The following THSD7B variants were observed in gnomAD, a reference collection of about 807,000 sequenced individuals.
The protein encoded by THSD7B is thrombospondin type-1 domain-containing protein 7B.
In THSD7B, 138 loss-of-function variants were observed where a neutral mutation model predicts 213.6. The observed-to-expected ratio is 0.65, with a 90% CI of 0.56 to 0.74. THSD7B has a LOEUF of 0.74. THSD7B is among the 30% of genes least tolerant of loss of function. The pLI is 0.00. For missense variants in THSD7B, 1,931 were observed against 1,991.5 expected (o/e 0.97, Z 0.58); for synonymous variants, 742 against 687.0 (o/e 1.08, Z -1.25).
chr2:136,945,661 G>A (rs1415767771), intron 2 of THSD7B, among the ~76,000 whole-genome samples: 1 of 152,088 alleles, frequency 6.6e-6, no homozygotes, highest in Non-Finnish European at 1.5e-5. Context: ...TGGAGGCTTT[G>A]TTCATTTCTT....
chr2:137,149,045 G>A (rs963470728), intron 5 of THSD7B, among the ~76,000 whole-genome samples: 2 of 152,116 alleles, frequency 1.3e-5, no homozygotes, highest in African/African-American at 4.8e-5. Flanking sequence ...CTGGATCCAG[G>A]GCACTCCTGC....
At chr2:137,142,934 C>A (rs1487064266) in intron 5 of THSD7B, among the ~76,000 whole-genome samples, 1 of 152,142 alleles carries the variant, frequency 6.6e-6, no homozygotes, top group East Asian at 1.9e-4. Flanking sequence ...TTTCCTCCCT[C>A]AATCTATTCA....
intron 7 of THSD7B, 23 bp downstream of exon 7, chr2:137,170,961 AGGT>A (rs1253146654): frequency 6.2e-7 from 1 of 1,610,068 alleles, no homozygotes; most frequent in Non-Finnish European, 8.5e-7. Flanking sequence ...GACCCACTAG[AGGT>A]GTTAGGATGT....
At position 136,783,492 on chromosome 2, in the gene THSD7B, C is replaced by T. The variant is rs140015473; in HGVS notation, c.-36+17805C>T. On this transcript the variant is annotated intron_variant, in intron 1 of 27. Transcript: ENST00000409968. ...GAAACAATTCAGAGCTTAGCTACAG[C>T]AGAAAGGAGAGACCAATGAAGGAGG... is the stretch of plus-strand genomic sequence containing the variant. Among the ~76,000 whole-genome samples, 899 of 152,124 alleles carry T rather than the reference C, an allele frequency of 5.9e-3. 15 individuals are homozygous for T. Among genetic ancestry groups the T allele is most frequent in the African/African-American group, 0.02 (841 of 41,486 alleles).
intron 12 of THSD7B, among the ~76,000 whole-genome samples, chr2:137,365,389 A>G (rs996854504): frequency 2.0e-5 from 3 of 152,210 alleles, no homozygotes; most frequent in African/African-American, 7.2e-5. Flanking sequence ...AAATTGACAA[A>G]TGGGATCTAA....
rs1052837451 is a variant in THSD7B, at chr2:137,609,324, A to T, written c.3424-6851A>T. ...TGGAGAAGAAAAAATATGTAGGAAG[A>T]CAAGGAGTAACATGGAAGAGTTGCT... On this transcript the variant is annotated intron_variant, in intron 17 of 27. Coordinates refer to ENST00000409968, the MANE Select transcript of THSD7B (RefSeq NM_001316349.2). Among the ~76,000 whole-genome samples, 8 of 152,242 alleles carry T rather than the reference A, an allele frequency of 5.3e-5. No individual in the cohort carries two copies. The East Asian group carries it at 1.5e-3, about 29-fold the overall frequency.
chr2:136,833,742 G>A (rs529725535), intron 1 of THSD7B, among the ~76,000 whole-genome samples: 3 of 152,096 alleles, frequency 2.0e-5, no homozygotes, highest in Admixed American at 1.3e-4. Context: ...ATCATTAAGC[G>A]TCTTTCTTTC....
At chr2:137,551,317 A>C (rs1680843786) in intron 15 of THSD7B, among the ~76,000 whole-genome samples, 1 of 152,138 alleles carries the variant, frequency 6.6e-6, no homozygotes, top group Non-Finnish European at 1.5e-5. Flanking sequence ...CTGAATTGGG[A>C]AAATGCCTAA....
At chr2:137,035,799 C>T (rs143938491) in intron 2 of THSD7B, among the ~76,000 whole-genome samples, 283 of 152,178 alleles carry the variant, frequency 1.9e-3, no homozygotes, top group African/African-American at 6.6e-3. Flanking sequence ...TGATATGCCT[C>T]AATGAAGGGC....
At chr2:137,606,069 G>A (rs950136988) in intron 17 of THSD7B, among the ~76,000 whole-genome samples, 2 of 152,108 alleles carry the variant, frequency 1.3e-5, no homozygotes, top group African/African-American at 4.8e-5. Flanking sequence ...CCAAAGTGCT[G>A]GGATTACAGG....
intron 2 of THSD7B, among the ~76,000 whole-genome samples, chr2:137,002,206 A>T (rs1407195648): frequency 6.6e-6 from 1 of 152,136 alleles, no homozygotes; most frequent in East Asian, 1.9e-4. Flanking sequence ...CCTCCTCAGA[A>T]TTATTTTCTT....
At chr2:136,896,792 A>C (rs1040255687) in intron 2 of THSD7B, among the ~76,000 whole-genome samples, 1 of 152,128 alleles carries the variant, frequency 6.6e-6, no homozygotes, top group Non-Finnish European at 1.5e-5. Context: ...TTTGTTGTAA[A>C]AACTATGGAA....
intron 20 of THSD7B, among the ~76,000 whole-genome samples, chr2:137,632,816 T>G (rs1259823288): frequency 6.6e-6 from 1 of 152,200 alleles, no homozygotes; most frequent in Non-Finnish European, 1.5e-5. Flanking sequence ...TTACTTCCCA[T>G]GTACCTGGCA....
At chr2:136,939,874 C>T (rs1401738747) in intron 2 of THSD7B, among the ~76,000 whole-genome samples, 1 of 152,056 alleles carries the variant, frequency 6.6e-6, no homozygotes, top group Non-Finnish European at 1.5e-5. Flanking sequence ...TACCACCACC[C>T]CCCGACACAC....
chr2:137,661,131 T>C (rs12999215), intron 25 of THSD7B, among the ~76,000 whole-genome samples: 34,682 of 152,070 alleles, frequency 0.23, 4,782 homozygotes, highest in South Asian at 0.3. Context: ...CATAATCTTA[T>C]GCTTATTCTC....
intron 20 of THSD7B, among the ~76,000 whole-genome samples, chr2:137,629,652 T>G (rs930121546): frequency 6.6e-6 from 1 of 152,174 alleles, no homozygotes; most frequent in Non-Finnish European, 1.5e-5. Flanking sequence ...AAAGTCCTTG[T>G]GTGAACCAAG....
intron 1 of THSD7B, among the ~76,000 whole-genome samples, chr2:136,783,700 T>A (rs1275121965): frequency 6.6e-6 from 1 of 152,082 alleles, no homozygotes; most frequent in East Asian, 1.9e-4. Context: ...TAATCAGAAG[T>A]TAGTTGGAAG....
At chr2:137,568,875 A>G (rs1229684795) in intron 16 of THSD7B, among the ~76,000 whole-genome samples, 1 of 152,214 alleles carries the variant, frequency 6.6e-6, no homozygotes, top group Non-Finnish European at 1.5e-5. Context: ...CTAGTGAAAC[A>G]GGAATGCTGG....
intron 1 of THSD7B, among the ~76,000 whole-genome samples, chr2:136,877,892 G>A (rs1275833886): frequency 1.3e-5 from 2 of 151,900 alleles, no homozygotes; most frequent in African/African-American, 4.8e-5. Flanking sequence ...ATACACATGA[G>A]GATCATAGAC....
Sources: allele counts gnomAD v4.1 joint callset (sites outside exome capture counted in the v4.1 genomes callset), GRCh38; gene constraint gnomAD v4.1.1; transcripts MANE v1.5; gene names NCBI Gene and HGNC (gene_info 2026-07-23, HGNC 2026-07-21).